Variants in PALM2AKAP2 observed in about 807,000 individuals in gnomAD.
PALM2AKAP2 encodes the protein PALM2 and AKAP2 fusion.
A neutral mutation model predicts 71.5 loss-of-function variants in PALM2AKAP2; 37 were observed. That is an observed-to-expected ratio of 0.52 (90% CI 0.40 to 0.68). The LOEUF (loss-of-function observed/expected upper bound fraction) is 0.68. Among genes scored for constraint, PALM2AKAP2 ranks in the 30% least tolerant of loss-of-function variants. The pLI is 0.00. For missense variants in PALM2AKAP2, 1,224 were observed against 1,191.8 expected (o/e 1.03, Z -0.40); for synonymous variants, 468 against 478.8 (o/e 0.98, Z 0.29).
chr9:109,927,027 TG>T (rs1830972483), intron 5 of PALM2AKAP2, among the ~76,000 whole-genome samples: 1 of 152,100 alleles, frequency 6.6e-6, no homozygotes, highest in Non-Finnish European at 1.5e-5. Flanking sequence ...TCCTCCAGGA[TG>T]GGGGAGCTCA....
intron 1 of PALM2AKAP2, among the ~76,000 whole-genome samples, chr9:110,087,075 G>A (rs1011868285): frequency 6.6e-6 from 1 of 152,062 alleles, no homozygotes; most frequent in African/African-American, 2.4e-5. Flanking sequence ...TTCCTGCCTG[G>A]ACTAACTATC....
At chr9:109,969,415 G>A (rs770071680) in intron 6 of PALM2AKAP2, among the ~76,000 whole-genome samples, 9 of 152,208 alleles carry the variant, frequency 5.9e-5, no homozygotes, top group Admixed American at 4.6e-4. Flanking sequence ...AAGGGTAGCA[G>A]TATCAGTCTT....
At chr9:109,903,673 T>C (rs1257731615) in intron 3 of PALM2AKAP2, among the ~76,000 whole-genome samples, 3 of 152,164 alleles carry the variant, frequency 2.0e-5, no homozygotes, top group African/African-American at 7.2e-5. Context: ...CTCCCAGCTT[T>C]ACCTAAATTC....
chr9:109,979,468 C>G (rs1209732827), intron 6 of PALM2AKAP2, among the ~76,000 whole-genome samples: 1 of 152,176 alleles, frequency 6.6e-6, no homozygotes, highest in African/African-American at 2.4e-5. Flanking sequence ...GTCAGTAGCC[C>G]CTGTCTCTAC....
chr9:110,006,453 G>C (rs1384190351), intron 6 of PALM2AKAP2, among the ~76,000 whole-genome samples: 1 of 151,320 alleles, frequency 6.6e-6, no homozygotes, highest in Non-Finnish European at 1.5e-5. Context: ...CTGGGCTCAA[G>C]TGATGATCCA....
At chr9:109,931,049 A>G (rs997352576) in intron 5 of PALM2AKAP2, among the ~76,000 whole-genome samples, 4 of 152,182 alleles carry the variant, frequency 2.6e-5, no homozygotes, top group African/African-American at 9.7e-5. Context: ...TGATGCAAGG[A>G]AGGGATCACA....
intron 3 of PALM2AKAP2, among the ~76,000 whole-genome samples, chr9:109,901,821 G>T (rs1221686760): frequency 1.3e-5 from 2 of 152,176 alleles, no homozygotes; most frequent in African/African-American, 2.4e-5. Flanking sequence ...TACCAATAGA[G>T]GATGGATGAG....
At chr9:109,839,389 A>G (rs1483873881) in intron 1 of PALM2AKAP2, among the ~76,000 whole-genome samples, 1 of 152,204 alleles carries the variant, frequency 6.6e-6, no homozygotes, top group Non-Finnish European at 1.5e-5. Flanking sequence ...CGTATCTCAA[A>G]ATAATAAGGG....
At chr9:109,739,407 T>C (rs769841486) in intron 1 of PALM2AKAP2, among the ~76,000 whole-genome samples, 2 of 152,150 alleles carry the variant, frequency 1.3e-5, no homozygotes, top group African/African-American at 4.8e-5. Flanking sequence ...TTAAAAAAAA[T>C]AGATGTCATG....
At chr9:109,916,185 C>G (rs543900446) in intron 3 of PALM2AKAP2, among the ~76,000 whole-genome samples, 1 of 152,300 alleles carries the variant, frequency 6.6e-6, no homozygotes, top group South Asian at 2.1e-4. Flanking sequence ...CTCAAGTGAT[C>G]CACCCACCTT....
At chr9:110,099,818 T>C (rs1246443581) in intron 1 of PALM2AKAP2, among the ~76,000 whole-genome samples, 2 of 151,936 alleles carry the variant, frequency 1.3e-5, no homozygotes, top group African/African-American at 4.8e-5. Context: ...GGGCTTTCAA[T>C]TGATTTGTAT....
intron 3 of PALM2AKAP2, among the ~76,000 whole-genome samples, chr9:109,883,587 T>C (rs1829903795): frequency 6.6e-6 from 1 of 152,208 alleles, no homozygotes; most frequent in African/African-American, 2.4e-5. Flanking sequence ...TGGTTATTAG[T>C]GTCTTTAATC....
At chr9:109,884,393 C>T (rs1197886289) in intron 3 of PALM2AKAP2, among the ~76,000 whole-genome samples, 3 of 152,060 alleles carry the variant, frequency 2.0e-5, no homozygotes, top group Admixed American at 6.6e-5. Context: ...ACCCGGGAAG[C>T]GGAGGTTGCA....
chr9:109,815,755 T>C (rs1012090195), intron 1 of PALM2AKAP2, among the ~76,000 whole-genome samples: 3 of 152,114 alleles, frequency 2.0e-5, no homozygotes, highest in Admixed American at 1.3e-4. Flanking sequence ...TTAAATGAAG[T>C]CTTTGTCTCC....
exon 2 of PALM2AKAP2, chr9:110,136,369 C>T (rs781534658): frequency 1.2e-6 from 2 of 1,614,180 alleles, no homozygotes; most frequent in Non-Finnish European, 1.7e-6. Context: ...ACCACGAATC[C>T]CTGGATAATG....
At chr9:109,823,345 T>A (rs1828061216) in intron 1 of PALM2AKAP2, among the ~76,000 whole-genome samples, 1 of 152,132 alleles carries the variant, frequency 6.6e-6, no homozygotes, top group East Asian at 1.9e-4. Flanking sequence ...AGGGCTTGTG[T>A]TGAGGTGGGA....
chr9:110,159,066 A>G (rs1836533271), intron 3 of PALM2AKAP2, among the ~76,000 whole-genome samples: 1 of 152,158 alleles, frequency 6.6e-6, no homozygotes, highest in Admixed American at 6.5e-5. Context: ...TTTTTTTCCT[A>G]ACCAATCTGT....
At chr9:109,883,346 A>T (rs1396988936) in intron 3 of PALM2AKAP2, among the ~76,000 whole-genome samples, 3 of 152,176 alleles carry the variant, frequency 2.0e-5, no homozygotes, top group South Asian at 4.1e-4. Context: ...ACAGGGGTGG[A>T]TGGTGAGGCC....
chr9:109,943,888 T>C, intron 6 of PALM2AKAP2: 1 of 160,636 alleles, frequency 6.2e-6, no homozygotes, highest in Non-Finnish European at 1.4e-5. Context: ...CAAAATGCTG[T>C]TGGCTCTAGC....
Sources: gnomAD v4.1 joint callset for allele counts (sites outside exome capture counted in the v4.1 genomes callset) on GRCh38, gnomAD v4.1.1 for gene constraint, MANE v1.5 for transcripts, NCBI Gene and HGNC (gene_info 2026-07-23, HGNC 2026-07-21) for gene names.